Variants in NMNAT1 observed in about 807,000 individuals in gnomAD.
The protein encoded by NMNAT1 is nicotinamide nucleotide adenylyltransferase 1.
NMNAT1 carries 11 observed loss-of-function variants against 16.7 expected under a neutral mutation model. The observed-to-expected ratio is 0.66, with a 90% confidence interval of 0.41 to 1.09. The LOEUF is 1.09. Ranked by LOEUF, NMNAT1 falls within the 50% of genes least tolerant of loss-of-function variation. The pLI is 0.00. For synonymous variants in NMNAT1, 110 were observed against 119.8 expected (o/e 0.92, Z 0.53); for missense variants, 280 against 332.3 (o/e 0.84, Z 1.22).
At chr1:9,955,417 A>AAAG (rs1641234566) in intron 1 of NMNAT1, among the ~76,000 whole-genome samples, 1 of 149,174 alleles carries the variant, frequency 6.7e-6, no homozygotes, top group Admixed American at 6.7e-5. Flanking sequence ...AAAAAAAAAA[A>AAAG]AAAAAGAAAG....
intron 2 of NMNAT1, among the ~76,000 whole-genome samples, chr1:9,974,257 C>T (rs1307622773): frequency 1.3e-5 from 2 of 151,214 alleles, no homozygotes; most frequent in East Asian, 1.9e-4. Flanking sequence ...CACTCTGTCA[C>T]CCTGGCTGGG....
At position 9,972,068 on chromosome 1, in the gene NMNAT1, CT is replaced by C; in HGVS notation, c.-4del. ...CCATTTAGATCAACAACTTCAAGTT[CT>C]TACCATGGAAAATTCCGAGAAGACT... On this transcript the variant is annotated 5_prime_UTR_variant, in exon 2 of 5. Coordinates refer to ENST00000377205, the MANE Select transcript of NMNAT1 (RefSeq NM_022787.4). 6.6e-7 allele frequency: 1 copy of C among 1,509,368 alleles called. No individual in the cohort carries two copies. Among genetic ancestry groups the C allele is most frequent in the Non-Finnish European group, 9.2e-7 (1 of 1,084,888 alleles). The allele number at this position is 1,509,368 out of a possible 1,614,324, so 93.5% of individuals were successfully genotyped here. A position where few individuals can be genotyped will look rare whatever the true frequency, so the allele number is the denominator to read the frequency against.
downstream of NMNAT1, among the ~76,000 whole-genome samples, chr1:9,986,366 C>T (rs971296412): frequency 2.6e-5 from 4 of 152,150 alleles, no homozygotes; most frequent in African/African-American, 9.7e-5. Context: ...GTAATTTTAC[C>T]CATAAATACT....
In NMNAT1 at chr1:9,948,634, A is replaced by G. The variant is rs546130510; in HGVS notation, c.-57+5119A>G. Among the ~76,000 whole-genome samples, 7 of 152,036 alleles carry G rather than the reference A, an allele frequency of 4.6e-5. No homozygotes were observed. The South Asian group carries it at 1.5e-3, about 32-fold the overall frequency. On this transcript the variant is annotated intron_variant, in intron 1 of 4. Transcript: ENST00000377205. ...GACCATTTGTGAGTAACTAGTCCCT[A>G]ACAAAAATACTTCAGAATTTTTTTT... is the stretch of plus-strand genomic sequence containing the variant.
intron 3 of NMNAT1, among the ~76,000 whole-genome samples, chr1:9,979,663 G>T (rs930214791): frequency 4.6e-5 from 7 of 151,656 alleles, no homozygotes; most frequent in East Asian, 3.9e-4. Context: ...TTAGCCGGGC[G>T]TGGTGGTGGG....
the NMNAT1 span, among the ~76,000 whole-genome samples, chr1:9,996,189 T>C: frequency 6.6e-5 from 10 of 150,996 alleles, no homozygotes; most frequent in African/African-American, 2.4e-4. Context: ...CGGGCGCCTG[T>C]AGTCCCAGCT....
chr1:9,950,171 A>G (rs1480880316), intron 1 of NMNAT1, among the ~76,000 whole-genome samples: 2 of 151,756 alleles, frequency 1.3e-5, no homozygotes, highest in Non-Finnish European at 1.5e-5. Flanking sequence ...GCTCACTACA[A>G]CCTCTGCCTC....
At chr1:9,960,177 T>G (rs1475698527) in intron 1 of NMNAT1, among the ~76,000 whole-genome samples, 1 of 152,128 alleles carries the variant, frequency 6.6e-6, no homozygotes, top group East Asian at 1.9e-4. Flanking sequence ...ACTAGCTACT[T>G]GGCAGGCTGA....
chr1:9,980,970 T>G, intron 3 of NMNAT1, 61 bp from the exon 4 acceptor site: 43 of 1,536,024 alleles, frequency 2.8e-5, no homozygotes, highest in Non-Finnish European at 3.6e-5. Flanking sequence ...ATAATGTTAA[T>G]GATATATTCT....
intron 4 of NMNAT1, 62 bp downstream of exon 4, chr1:9,981,232 C>A: frequency 6.4e-7 from 1 of 1,566,416 alleles, no homozygotes; most frequent in Admixed American, 1.9e-5. Flanking sequence ...CTGAGCAAAC[C>A]CCTGTGTATT....
In NMNAT1 at chr1:9,982,512, C is replaced by T. The variant is rs773171837; in HGVS notation, c.651C>T (p.Ile217=). 26 of 1,613,976 alleles carry T rather than the reference C, an allele frequency of 1.6e-5. No homozygotes were observed. In the African/African-American group the frequency reaches 1.7e-4, roughly 11 times the overall value. ...RSNIHVVNEW[I]ANDISSTKIR... is the part of the protein sequence containing the mutation. ...ACATTCACGTGGTGAATGAATGGATCGCTAATGACATCTCATCCACAAAAA... is the reference window on the plus strand; with the variant it reads ...ACATTCACGTGGTGAATGAATGGATTGCTAATGACATCTCATCCACAAAAA... The change falls in exon 5 of 5, where the codon ATC becomes ATT. Residue 217 remains isoleucine (I), a synonymous_variant. Coordinates refer to ENST00000377205, the MANE Select transcript of NMNAT1 (RefSeq NM_022787.4).
intron 1 of NMNAT1, among the ~76,000 whole-genome samples, chr1:9,959,857 G>C (rs1036764734): frequency 1.3e-5 from 2 of 152,172 alleles, no homozygotes; most frequent in African/African-American, 4.8e-5. Flanking sequence ...TATCCCCAGT[G>C]AAGGTACTCA....
chr1:9,971,107 G>C (rs1641677425), intron 1 of NMNAT1, among the ~76,000 whole-genome samples: 1 of 152,140 alleles, frequency 6.6e-6, no homozygotes, highest in South Asian at 2.1e-4. Flanking sequence ...CATGTGGGGT[G>C]GTTGTCTATC....
chr1:9,970,846 G>A (rs1641673242), intron 1 of NMNAT1, among the ~76,000 whole-genome samples: 1 of 152,142 alleles, frequency 6.6e-6, no homozygotes, highest in Admixed American at 6.6e-5. Context: ...TTACTATCAT[G>A]TTGACTAAAA....
intron 1 of NMNAT1, among the ~76,000 whole-genome samples, chr1:9,954,049 AC>A (rs1379432272): frequency 6.7e-6 from 1 of 150,094 alleles, no homozygotes; most frequent in Non-Finnish European, 1.5e-5. Context: ...CAGGTGATCC[AC>A]CTGCCTCGGC....
At chr1:9,965,315 CAAAA>C (rs1183019689) in intron 1 of NMNAT1, among the ~76,000 whole-genome samples, 1 of 51,428 alleles carries the variant, frequency 1.9e-5, no homozygotes. Context: ...GACTCCATCT[CAAAA>C]AAAAAAAAAA....
intron 4 of NMNAT1, 133 bp from the exon 5 acceptor site, chr1:9,982,168 C>T: frequency 8.1e-7 from 1 of 1,234,552 alleles, no homozygotes; most frequent in Admixed American, 2.5e-5. Flanking sequence ...CGGCCTAAGC[C>T]CTCATCCTTG....
chr1:9,961,015 T>G (rs1280545210), intron 1 of NMNAT1, among the ~76,000 whole-genome samples: 1 of 152,182 alleles, frequency 6.6e-6, no homozygotes, highest in Non-Finnish European at 1.5e-5. Context: ...ACCTTAACTC[T>G]TGTGTGGCTC....
the NMNAT1 span, among the ~76,000 whole-genome samples, chr1:9,995,043 C>T: frequency 6.6e-6 from 1 of 152,018 alleles, no homozygotes. Flanking sequence ...CTACCATGCA[C>T]GGACTGCTAG....
Sources: allele counts gnomAD v4.1 joint callset (sites outside exome capture counted in the v4.1 genomes callset), GRCh38; gene constraint gnomAD v4.1.1; transcripts MANE v1.5; gene names NCBI Gene and HGNC (gene_info 2026-07-23, HGNC 2026-07-21).